Variants in ZNF804A observed in about 807,000 individuals in gnomAD.
ZNF804A encodes the protein zinc finger protein 804A.
A neutral mutation model predicts 16.5 loss-of-function variants in ZNF804A; 2 were observed. The observed-to-expected ratio is 0.12, with a 90% CI of 0.05 to 0.38. The LOEUF is 0.38. Among genes scored for constraint, ZNF804A ranks in the 10% least tolerant of loss-of-function variants. ZNF804A has a pLI of 0.99. For missense variants in ZNF804A, 1,473 were observed against 1,390.7 expected, an observed-to-expected ratio of 1.06 and a Z score of -0.94; for synonymous variants, 534 against 489.6, an observed-to-expected ratio of 1.09 and a Z score of -1.20.
chr2:184,802,977 G>T (rs1399409007), intron 1 of ZNF804A, among the ~76,000 whole-genome samples: 1 of 152,042 alleles, frequency 6.6e-6, no homozygotes, highest in African/African-American at 2.4e-5. Context: ...CTTCCAATCT[G>T]TAAAATGAGT....
intron 1 of ZNF804A, among the ~76,000 whole-genome samples, chr2:184,602,632 CACTT>C (rs1353154852): frequency 6.6e-6 from 1 of 151,936 alleles, no homozygotes; most frequent in Non-Finnish European, 1.5e-5. Flanking sequence ...TCCCTTTAAT[CACTT>C]TAATATGTAA....
chr2:184,603,848 A>G (rs187332626), intron 1 of ZNF804A, among the ~76,000 whole-genome samples: 41 of 152,260 alleles, frequency 2.7e-4, no homozygotes, highest in African/African-American at 9.1e-4. Flanking sequence ...TTCTGAACTT[A>G]AGGTGTCATA....
chr2:184,701,911 G>T (rs1012654672), intron 1 of ZNF804A, among the ~76,000 whole-genome samples: 1 of 151,860 alleles, frequency 6.6e-6, no homozygotes, highest in African/African-American at 2.4e-5. Flanking sequence ...CATAAGGGGA[G>T]ATACTTAATG....
chr2:184,817,554 A>G (rs1393264317), intron 1 of ZNF804A, among the ~76,000 whole-genome samples: 1 of 152,060 alleles, frequency 6.6e-6, no homozygotes, highest in Non-Finnish European at 1.5e-5. Context: ...GCTCTGGCCA[A>G]GATGGCTGAA....
At chr2:184,800,635 T>G (rs1184727259) in intron 1 of ZNF804A, among the ~76,000 whole-genome samples, 1 of 151,722 alleles carries the variant, frequency 6.6e-6, no homozygotes, top group Non-Finnish European at 1.5e-5. Flanking sequence ...TTGAAAATAT[T>G]GTACAATTTT....
intron 2 of ZNF804A, among the ~76,000 whole-genome samples, chr2:184,873,366 T>A (rs1696004018): frequency 6.6e-6 from 1 of 152,180 alleles, no homozygotes; most frequent in Admixed American, 6.5e-5. Context: ...GCCATGCCTG[T>A]AGTCCCAGCT....
At chr2:184,789,736 G>A (rs1434204737) in intron 1 of ZNF804A, among the ~76,000 whole-genome samples, 1 of 151,934 alleles carries the variant, frequency 6.6e-6, no homozygotes, top group Admixed American at 6.6e-5. Context: ...TAACAGTGTA[G>A]CTAGTAGTCT....
intron 1 of ZNF804A, among the ~76,000 whole-genome samples, chr2:184,804,174 G>T (rs866424527): frequency 2.6e-5 from 4 of 151,950 alleles, no homozygotes; most frequent in Non-Finnish European, 4.4e-5. Flanking sequence ...TCTTCTGTCT[G>T]TTATAAGGAC....
At chr2:184,868,368 G>A (rs894118631) in intron 2 of ZNF804A, among the ~76,000 whole-genome samples, 2 of 151,880 alleles carry the variant, frequency 1.3e-5, no homozygotes, top group Non-Finnish European at 1.5e-5. Context: ...TAACGTCATC[G>A]CTATGACCAT....
chr2:184,715,056 C>A (rs908114101), intron 1 of ZNF804A, among the ~76,000 whole-genome samples: 3 of 152,124 alleles, frequency 2.0e-5, no homozygotes, highest in Admixed American at 2.0e-4. Context: ...AACTTAAATA[C>A]CCTGTGTCCC....
chr2:184,811,265 G>T (rs891421282), intron 1 of ZNF804A, among the ~76,000 whole-genome samples: 1 of 152,092 alleles, frequency 6.6e-6, no homozygotes, highest in Non-Finnish European at 1.5e-5. Context: ...AGTGCATACC[G>T]ATGGCATGCT....
intron 2 of ZNF804A, among the ~76,000 whole-genome samples, chr2:184,891,202 C>A (rs1684979323): frequency 6.6e-6 from 1 of 152,120 alleles, no homozygotes; most frequent in Non-Finnish European, 1.5e-5. Context: ...TGGTTGTCAG[C>A]AGGAAGTTTA....
chr2:184,876,177 A>C (rs770521338), intron 2 of ZNF804A, among the ~76,000 whole-genome samples: 3 of 152,212 alleles, frequency 2.0e-5, no homozygotes, highest in Non-Finnish European at 4.4e-5. Context: ...CTATTGCTAT[A>C]GAAATGAAAC....
Position 184,694,395 on chromosome 2 carries a change from GT to G in ZNF804A, c.111+95330del, listed in dbSNP as rs1692786566. Among the ~76,000 whole-genome samples, 6 of 152,132 alleles carry G rather than the reference GT, an allele frequency of 3.9e-5. No individual in the cohort carries two copies. In the South Asian group the frequency reaches 1.2e-3, roughly 32 times the overall value. ...ATGGATGATTTATTTTAGGAGCTTG[GT>G]TTTTACCATTACATAATGTATTTTT... On this transcript the variant is annotated intron_variant, in intron 1 of 3. Transcript: ENST00000302277.
chr2:184,750,139 T>C (rs764944341), intron 1 of ZNF804A, among the ~76,000 whole-genome samples: 21 of 151,386 alleles, frequency 1.4e-4, no homozygotes, highest in Non-Finnish European at 2.8e-4. Context: ...TGTTGGTTAA[T>C]TTTTGTATTT....
chr2:184,617,189 G>A (rs1428948542), intron 1 of ZNF804A, among the ~76,000 whole-genome samples: 3 of 152,068 alleles, frequency 2.0e-5, no homozygotes, highest in African/African-American at 7.2e-5. Context: ...AGAATGGGTG[G>A]AAATGTAAGA....
At chr2:184,886,205 C>G (rs895710500) in intron 2 of ZNF804A, among the ~76,000 whole-genome samples, 1 of 152,170 alleles carries the variant, frequency 6.6e-6, no homozygotes, top group African/African-American at 2.4e-5. Flanking sequence ...AATCTTAAAT[C>G]CAGCTGGACA....
intron 1 of ZNF804A, among the ~76,000 whole-genome samples, chr2:184,702,327 C>G (rs986200560): frequency 2.6e-5 from 4 of 151,952 alleles, no homozygotes; most frequent in African/African-American, 9.7e-5. Context: ...AATTTACATG[C>G]AAGAAACTGA....
intron 1 of ZNF804A, among the ~76,000 whole-genome samples, chr2:184,814,576 T>G (rs1170590172): frequency 1.3e-5 from 2 of 152,064 alleles, no homozygotes; most frequent in Non-Finnish European, 2.9e-5. Context: ...AATGAGAAAG[T>G]TGTCATGGAA....
Sources: gnomAD v4.1 joint callset for allele counts (sites outside exome capture counted in the v4.1 genomes callset) on GRCh38, gnomAD v4.1.1 for gene constraint, MANE v1.5 for transcripts, NCBI Gene and HGNC (gene_info 2026-07-23, HGNC 2026-07-21) for gene names.